Variants in IGLL5 observed in about 807,000 individuals in gnomAD.
The protein encoded by IGLL5 is immunoglobulin lambda-like polypeptide 5.
Under a neutral mutation model 20.9 loss-of-function variants are expected in IGLL5, and 30 were observed. The ratio of observed to expected loss-of-function variants is 1.44; its 90% CI spans 1.07 to 1.95. IGLL5 has a LOEUF of 1.95. Among genes scored for constraint, IGLL5 ranks in the 30% most tolerant of loss-of-function variants. The pLI is 0.00. For missense variants in IGLL5, 475 were observed against 270.7 expected (o/e 1.75, Z -5.30); for synonymous variants, 203 against 117.3 (o/e 1.73, Z -4.72).
intron 2 of IGLL5, 77 bp downstream of exon 2, chr22:22,893,895 T>C (rs2067943527): frequency 2.2e-5 from 22 of 1,000,816 alleles, no homozygotes; most frequent in Admixed American, 8.6e-5. Context: ...TCTCTGGGGC[T>C]TCCTCCCCTC....
At chr22:22,894,123 G>T (rs2067985177) in intron 2 of IGLL5, among the ~76,000 whole-genome samples, 1 of 151,514 alleles carries the variant, frequency 6.6e-6, no homozygotes, top group Non-Finnish European at 1.5e-5. Flanking sequence ...CTGATGAGGG[G>T]CCCTGCAGTG....
chr22:22,889,295 G>A (rs2067705219), intron 1 of IGLL5, among the ~76,000 whole-genome samples: 1 of 151,064 alleles, frequency 6.6e-6, no homozygotes, highest in African/African-American at 2.4e-5. Context: ...TGAAGTTGAA[G>A]TGAGGGCTGA....
intron 2 of IGLL5, among the ~76,000 whole-genome samples, chr22:22,894,169 A>C (rs568876016): frequency 2.0e-5 from 3 of 151,460 alleles, no homozygotes; most frequent in Admixed American, 1.3e-4. Flanking sequence ...CCTGGGGTCA[A>C]GGACAGAGGC....
At chr22:22,893,845 C>A (rs1569086518) in intron 2 of IGLL5, 27 bp downstream of exon 2, 3 of 1,410,778 alleles carry the variant, frequency 2.1e-6, no homozygotes, top group Admixed American at 1.7e-5. Flanking sequence ...CTTTCCCAGC[C>A]TGTCTCACCC....
Position 22,894,136 on chromosome 22 carries a change from C to G in IGLL5, c.325+318C>G, listed in dbSNP as rs138683732. Among the ~76,000 whole-genome samples, 6 of 151,510 alleles carry G rather than the reference C, an allele frequency of 4.0e-5. 1 individual carries two copies. Among genetic ancestry groups the G allele is most frequent in the Non-Finnish European group, 7.4e-5 (5 of 67,888 alleles). ...TTCTGATGAGGGGCCCTGCAGTGTC[C>G]TTAGGGACATTGCCCAGTGACTCCT... On this transcript the variant is annotated intron_variant, in intron 2 of 2. Coordinates refer to ENST00000526893, the MANE Select transcript of IGLL5 (RefSeq NM_001178126.2).
At chr22:22,889,371 A>C (rs1601607782) in intron 1 of IGLL5, among the ~76,000 whole-genome samples, 1 of 151,216 alleles carries the variant, frequency 6.6e-6, no homozygotes, top group African/African-American at 2.4e-5. Flanking sequence ...CATTTTAGCA[A>C]CAGGCGGCGA....
intron 2 of IGLL5, among the ~76,000 whole-genome samples, chr22:22,894,666 C>T (rs77331439): frequency 6.6e-6 from 1 of 151,270 alleles, no homozygotes; most frequent in Admixed American, 6.6e-5. Flanking sequence ...TCATCACAGG[C>T]TGCTGGGGTG....
chr22:22,894,110 G>T (rs1448951987), intron 2 of IGLL5, among the ~76,000 whole-genome samples: 2 of 151,318 alleles, frequency 1.3e-5, no homozygotes, highest in Admixed American at 6.6e-5. Flanking sequence ...ACAGAGGCTG[G>T]TTCTGATGAG....
chr22:22,894,091 G>T, intron 2 of IGLL5, among the ~76,000 whole-genome samples: 1 of 151,476 alleles, frequency 6.6e-6, no homozygotes, highest in East Asian at 2.0e-4. Flanking sequence ...GCAGATGTCT[G>T]AGTGAGGGAC....
chr22:22,894,119 AG>A (rs2067984895), intron 2 of IGLL5, among the ~76,000 whole-genome samples: 2 of 151,324 alleles, frequency 1.3e-5, no homozygotes, highest in East Asian at 2.0e-4. Flanking sequence ...GGTTCTGATG[AG>A]GGGCCCTGCA....
chr22:22,889,886 G>A (rs539846535), intron 1 of IGLL5, among the ~76,000 whole-genome samples: 1 of 151,266 alleles, frequency 6.6e-6, no homozygotes, highest in East Asian at 2.0e-4. Flanking sequence ...GTGAGCCACT[G>A]CACCTGACCC....
At chr22:22,888,567 A>C (rs544411134) in intron 1 of IGLL5, among the ~76,000 whole-genome samples, 1 of 151,394 alleles carries the variant, frequency 6.6e-6, no homozygotes, top group Non-Finnish European at 1.5e-5. Context: ...GAACAGAGGC[A>C]GGGACAGGAC....
chr22:22,888,939 A>C (rs576896221), intron 1 of IGLL5, among the ~76,000 whole-genome samples: 3 of 151,256 alleles, frequency 2.0e-5, no homozygotes, highest in East Asian at 2.0e-4. Flanking sequence ...GTGCCCCCAA[A>C]AGACAGAGCA....
intron 2 of IGLL5, 139 bp downstream of exon 2, chr22:22,893,957 G>C (rs573808474): frequency 1.5e-5 from 11 of 711,420 alleles, no homozygotes; most frequent in Admixed American, 1.0e-4. Context: ...GGGGCCTGGA[G>C]GAGGTGCATT....
intron 2 of IGLL5, among the ~76,000 whole-genome samples, chr22:22,894,607 G>C (rs533123914): frequency 1.3e-5 from 2 of 151,394 alleles, no homozygotes; most frequent in South Asian, 2.1e-4. Flanking sequence ...CCAGAGGGGA[G>C]TGAATGAGGG....
intron 1 of IGLL5, among the ~76,000 whole-genome samples, chr22:22,888,582 A>T (rs1435454680): frequency 6.6e-6 from 1 of 151,230 alleles, no homozygotes; most frequent in Admixed American, 6.6e-5. Context: ...CAGGACATCC[A>T]CAGGGGGTGG....
At position 22,895,709 on chromosome 22, in the gene IGLL5, C is replaced by G. The variant is rs11558629; in HGVS notation, c.*15C>G. 10 of 1,612,412 alleles carry G rather than the reference C, an allele frequency of 6.2e-6. No individual in the cohort carries two copies. The highest frequency in any genetic ancestry group is 8.5e-6 in the Non-Finnish European group (10 of 1,179,112). ...AATGTTCATAGGTTCCCAACTCTAA[C>G]CCCACCCACGGGAGCCTGGAGCTGC... On this transcript the variant is annotated 3_prime_UTR_variant, in exon 3 of 3. Transcript: ENST00000526893.
intron 1 of IGLL5, among the ~76,000 whole-genome samples, chr22:22,890,136 G>T (rs2146004084): frequency 6.8e-6 from 1 of 146,988 alleles, no homozygotes; most frequent in South Asian, 2.2e-4. Context: ...AAAATGTAAT[G>T]ACTTTTGTAC....
intron 2 of IGLL5, among the ~76,000 whole-genome samples, chr22:22,894,489 A>T (rs2066660360): frequency 1.3e-5 from 2 of 151,470 alleles, no homozygotes; most frequent in Admixed American, 6.6e-5. Context: ...CTCTTAGGGC[A>T]GAGATGTGTC....
Sources: gnomAD v4.1 joint callset for allele counts (sites outside exome capture counted in the v4.1 genomes callset) on GRCh38, gnomAD v4.1.1 for gene constraint, MANE v1.5 for transcripts, NCBI Gene and HGNC (gene_info 2026-07-23, HGNC 2026-07-21) for gene names.